The following APOBEC3F variants were observed in gnomAD, a reference collection of about 807,000 sequenced individuals.
APOBEC3F encodes the protein DNA dC->dU-editing enzyme APOBEC-3F.
APOBEC3F carries 34 observed loss-of-function variants against 45.8 expected under a neutral mutation model. The ratio of observed to expected loss-of-function variants is 0.74; its 90% CI spans 0.57 to 0.99. The LOEUF (loss-of-function observed/expected upper bound fraction) is 0.99. Ranked by LOEUF, APOBEC3F falls within the 50% of genes least tolerant of loss-of-function variation. The pLI, the probability that APOBEC3F is intolerant of heterozygous loss-of-function variation, is 0.00. For missense variants in APOBEC3F, 459 were observed against 474.1 expected (o/e 0.97, Z 0.30); for synonymous variants, 192 against 174.4 (o/e 1.10, Z -0.80).
intron 4 of APOBEC3F, among the ~76,000 whole-genome samples, chr22:39,048,460 G>A (rs1211604606): frequency 1.3e-5 from 2 of 152,078 alleles, no homozygotes; most frequent in East Asian, 3.9e-4. Context: ...AGATCACAAG[G>A]TCAGGAGTTC....
At position 39,052,660 on chromosome 22, in the gene APOBEC3F, T is replaced by C. The variant is rs774248103; in HGVS notation, c.1087T>C (p.Phe363Leu). The C allele has an allele frequency of 6.2e-7, 1 of 1,614,126 alleles. No individual in the cohort carries two copies. Among genetic ancestry groups the C allele is most frequent in the South Asian group, 1.1e-5 (1 of 91,082 alleles). The change falls in exon 7 of 7, where the codon TTC becomes CTC. Residue 363 changes from phenylalanine to leucine, a missense_variant. Phe to Leu is a conservative substitution (Grantham distance 22). Transcript: ENST00000308521. ...GAAAGGACTAAAATACAACTTTCTA[T>C]TCCTGGACAGCAAGCTGCAGGAGAT... ...PWKGLKYNFL[F>L]LDSKLQEILE
chr22:39,049,903 G>C (rs530128673), intron 5 of APOBEC3F, among the ~76,000 whole-genome samples: 1 of 151,392 alleles, frequency 6.6e-6, no homozygotes, highest in East Asian at 1.9e-4. Context: ...GGGTTTCACC[G>C]TGGTGACCAG....
rs779188444 is a variant in APOBEC3F at position 39,052,630 on chromosome 22, C to T, written c.1057C>T (p.Pro353Ser). 4.3e-6 allele frequency: 7 copies of T among 1,613,874 alleles called. No homozygotes were observed. Among genetic ancestry groups the T allele is most frequent in the Non-Finnish European group, 5.9e-6 (7 of 1,179,978 alleles). The change falls in exon 7 of 7, where the codon CCT (proline) becomes TCT (serine). Residue 353 changes from proline (P) to serine (S), a missense_variant. Physicochemically the swap from Pro to Ser is moderately conservative, Grantham distance 74 (BLOSUM62 -1). Coordinates refer to ENST00000308521, the MANE Select transcript of APOBEC3F (RefSeq NM_145298.6). Reference protein sequence around the residue: ...FVYNDDEPFKPWKGLKYNFLF... With the variant: ...FVYNDDEPFKSWKGLKYNFLF... ...GTACAATGATGATGAGCCATTCAAGCCTTGGAAAGGACTAAAATACAACTT... is the reference window on the plus strand; with the variant it reads ...GTACAATGATGATGAGCCATTCAAGTCTTGGAAAGGACTAAAATACAACTT...
In APOBEC3F at chr22:39,055,303, C is replaced by G. The variant is rs962738054; in HGVS notation, c.*2608C>G. ...CTCAGGCTGGTCTTGAACTCATGAG[C>G]TCAGGCGATCCACTCTCCTCAGCCT... On this transcript the variant is annotated 3_prime_UTR_variant, in exon 7 of 7. Transcript: ENST00000308521. Among the ~76,000 whole-genome samples, 1 of 151,820 alleles carries G rather than the reference C, an allele frequency of 6.6e-6. No individual in the cohort carries two copies. The highest frequency in any genetic ancestry group is 2.4e-5 in the African/African-American group (1 of 41,280).
chr22:39,050,813 A>G lies in APOBEC3F; in HGVS notation c.723+1232A>G, dbSNP rs11913379. The stretch of plus-strand genomic sequence containing the variant: ...ATGACCTTCCCAGCAGAAGGCAGAC[A>G]GGGGACAAGGCAGACCCCATAGGAC... On this transcript the variant is annotated intron_variant, in intron 5 of 6. Transcript: ENST00000308521. Among the ~76,000 whole-genome samples the G allele has an allele frequency of 6.6e-3, 985 of 148,740 alleles. 5 individuals carry two copies. The highest frequency in any genetic ancestry group is 0.022 in the African/African-American group (905 of 40,510).
At position 39,055,000 on chromosome 22, in the gene APOBEC3F, C is replaced by T. The variant is rs1260134479; in HGVS notation, c.*2305C>T. 6.6e-6 allele frequency among the ~76,000 whole-genome samples: 1 copy of T among 152,038 alleles called. No individual in the cohort carries two copies. The highest frequency in any genetic ancestry group is 1.9e-4 in the East Asian group (1 of 5,192). On this transcript the variant is annotated 3_prime_UTR_variant, in exon 7 of 7. Coordinates refer to ENST00000308521, the MANE Select transcript of APOBEC3F (RefSeq NM_145298.6). ...CCGCTCCTCCTGGATGGCAGGGATCCCTTCTGGCTGTGTCCTCTGTGGCCT... is the reference window on the plus strand; with the variant it reads ...CCGCTCCTCCTGGATGGCAGGGATCTCTTCTGGCTGTGTCCTCTGTGGCCT...
At chr22:39,049,775 C>A (rs1305738015) in intron 5 of APOBEC3F, among the ~76,000 whole-genome samples, 194 bp downstream of exon 5, 3 of 150,578 alleles carry the variant, frequency 2.0e-5, no homozygotes, top group African/African-American at 7.4e-5. Context: ...TCTCTGCTCA[C>A]TGCAACCTCT....
chr22:39,041,524 C>G (rs1306751852), intron 1 of APOBEC3F, among the ~76,000 whole-genome samples: 1 of 152,096 alleles, frequency 6.6e-6, no homozygotes, highest in Non-Finnish European at 1.5e-5. Context: ...AACACACGCT[C>G]CTCCTCCACT....
In APOBEC3F at chr22:39,054,640, G is replaced by A. The variant is rs902847445; in HGVS notation, c.*1945G>A. On this transcript the variant is annotated 3_prime_UTR_variant, in exon 7 of 7. Coordinates refer to ENST00000308521, the MANE Select transcript of APOBEC3F (RefSeq NM_145298.6). ...CCTAGCCCATTTCTCCTTTTAATAG[G>A]ACCTGTTGCTGTCTCTGTTCTCCCA... 6.6e-6 allele frequency among the ~76,000 whole-genome samples: 1 copy of A among 152,174 alleles called. No individual in the cohort carries two copies.
chr22:39,049,446 T>A lies in APOBEC3F; in HGVS notation c.588T>A (p.Tyr196Ter), dbSNP rs765418322. The A allele has an allele frequency of 6.2e-7, 1 of 1,614,070 alleles. No individual in the cohort carries two copies. Among genetic ancestry groups the A allele is most frequent in the Non-Finnish European group, 8.5e-7 (1 of 1,180,008 alleles). Residue 196 changes from tyrosine (Y) to a stop codon, truncating the protein, a stop_gained, in exon 5 of 7, where the codon TAT becomes TAA. Coordinates refer to ENST00000308521, the MANE Select transcript of APOBEC3F (RefSeq NM_145298.6). LOFTEE classifies it high-confidence loss of function. ...EILRNPMEAM[Y>*]PHIFYFHFKN... ...TCAGAAACCCGATGGAGGCAATGTA[T>A]CCACACATATTCTACTTCCACTTTA...
chr22:39,043,170 G>A (rs1481879998), intron 2 of APOBEC3F, 80 bp downstream of exon 2: 140 of 1,499,666 alleles, frequency 9.3e-5, no homozygotes, highest in Non-Finnish European at 1.2e-4. Context: ...TAAGTGAAGT[G>A]CCCGGCGGCG....
At chr22:39,048,677 C>T (rs1405439845) in intron 4 of APOBEC3F, among the ~76,000 whole-genome samples, 3 of 152,116 alleles carry the variant, frequency 2.0e-5, no homozygotes, top group South Asian at 2.1e-4. Context: ...TGTTGTGGCA[C>T]GTGCCTGCAG....
Position 39,044,017 on chromosome 22 carries a change from C to T in APOBEC3F, c.172-924C>T, listed in dbSNP as rs548659111. The stretch of plus-strand genomic sequence containing the variant: ...TCCAGCCTGGGCAACAAGAGTGAAA[C>T]TACGTCTCAAAACAAAAACAAAAAA... On this transcript the variant is annotated intron_variant, in intron 2 of 6. Transcript: ENST00000308521. The T allele has an allele frequency of 1.1e-5, 16 of 1,477,930 alleles. No individual in the cohort carries two copies. The East Asian group carries it at 2.8e-4, about 26-fold the overall frequency. 91.6% of individuals were successfully genotyped at this position (1,477,930 alleles called of 1,614,324 possible).
intron 6 of APOBEC3F, 40 bp from the exon 7 acceptor site, chr22:39,052,537 C>T: frequency 6.3e-7 from 1 of 1,589,786 alleles, no homozygotes. Context: ...GGGAGAGAAG[C>T]CTGCTGGGCC....
chr22:39,044,489 G>A lies in APOBEC3F; in HGVS notation c.172-452G>A, dbSNP rs1927100676. The A allele has an allele frequency of 3.2e-6, 3 of 924,202 alleles. No homozygotes were observed. In the African/African-American group the frequency reaches 5.1e-5, roughly 16 times the overall value. 57.3% of individuals were successfully genotyped at this position (924,202 alleles called of 1,614,324 possible). A position where few individuals can be genotyped will look rare whatever the true frequency, so the allele number is the denominator to read the frequency against. On this transcript the variant is annotated intron_variant, in intron 2 of 6. Transcript: ENST00000308521. Reference sequence around the variant, plus strand: ...CTTTCCAGGGCCTGCGAGCTGCACAGTCACGTGGGGGTAAAGGTTGTTGCC... The same window carrying A: ...CTTTCCAGGGCCTGCGAGCTGCACAATCACGTGGGGGTAAAGGTTGTTGCC...
intron 5 of APOBEC3F, 57 bp from the exon 6 acceptor site, chr22:39,052,017 T>C (rs1569073659): frequency 6.3e-7 from 1 of 1,597,656 alleles, no homozygotes; most frequent in East Asian, 2.2e-5. Flanking sequence ...GCCCCACCCC[T>C]GCACTCCTCC....
chr22:39,044,194 G>A (rs76919915), intron 2 of APOBEC3F: 1 of 1,610,360 alleles, frequency 6.2e-7, no homozygotes, highest in Non-Finnish European at 8.5e-7. Context: ...GCTGACCGCA[G>A]GCAGGGAACA....
chr22:39,040,981 C>T lies in APOBEC3F; in HGVS notation c.17+4C>T. 2 of 1,584,460 alleles carry T rather than the reference C, an allele frequency of 1.3e-6. No individual in the cohort carries two copies. The highest frequency in any genetic ancestry group is 2.3e-5 in the East Asian group (1 of 43,730). On this transcript the variant is annotated splice_donor_region_variant and intron_variant, in intron 1 of 6. Coordinates refer to ENST00000308521, the MANE Select transcript of APOBEC3F (RefSeq NM_145298.6). ...CAAGGATGAAGCCTCACTTCAGGTA[C>T]CGCTGCCCGCTCTACCCGCTGGGCC...
rs752161424 is a variant in APOBEC3F at position 39,052,322 on chromosome 22, A to G, written c.972A>G (p.Glu324=). Residue 324 remains glutamate, a synonymous_variant, in exon 6 of 7, where the codon GAA becomes GAG. Transcript: ENST00000308521. ...AGGGGCTCCGCAGCCTGAGTCAGGA[A>G]GGGGCCTCCGTGGAGATCATGGGCT... is the stretch of plus-strand genomic sequence containing the variant. ...YQEGLRSLSQ[E]GASVEIMGYK... 9.3e-6 allele frequency: 15 copies of G among 1,614,088 alleles called. No homozygotes were observed. The East Asian group carries it at 3.1e-4, about 34-fold the overall frequency.
Sources: allele counts gnomAD v4.1 joint callset (sites outside exome capture counted in the v4.1 genomes callset), GRCh38; gene constraint gnomAD v4.1.1; transcripts MANE v1.5; gene names NCBI Gene and HGNC (gene_info 2026-07-23, HGNC 2026-07-21).